Variants in BCL2 observed in about 807,000 individuals in gnomAD.
The protein encoded by BCL2 is BCL2 apoptosis regulator, also known as apoptosis regulator Bcl-2.
A neutral mutation model predicts 14.2 loss-of-function variants in BCL2; 1 was observed. The observed-to-expected ratio is 0.07, with a 90% CI of 0.02 to 0.33. BCL2 has a LOEUF of 0.33. BCL2 is among the 10% of genes least tolerant of loss of function. BCL2 has a pLI of 0.99. For synonymous variants in BCL2, 151 were observed against 137.2 expected (o/e 1.10, Z -0.70); for missense variants, 247 against 305.9 (o/e 0.81, Z 1.44).
At chr18:63,256,544 G>A (rs1325583794) in intron 2 of BCL2, among the ~76,000 whole-genome samples, 1 of 152,220 alleles carries the variant, frequency 6.6e-6, no homozygotes, top group African/African-American at 2.4e-5. Context: ...TTAAGACAGT[G>A]AAAGCGTGAC....
chr18:63,203,697 C>CACACAT (rs1249772404), intron 2 of BCL2, among the ~76,000 whole-genome samples: 11 of 152,134 alleles, frequency 7.2e-5, no homozygotes, highest in Non-Finnish European at 1.6e-4. Context: ...CACACACACA[C>CACACAT]ACACATACAC....
rs1568222809 is a variant in BCL2 at position 63,169,395 on chromosome 18, TTCTTTCTTTTTCTTTCTCTC to T, written c.586-40656_586-40637del. Among the ~76,000 whole-genome samples the T allele has an allele frequency of 1.4e-3, 174 of 123,216 alleles. 4 individuals carry two copies. The highest frequency in any genetic ancestry group is 4.4e-3 in the African/African-American group (109 of 24,870). 80.8% of individuals were successfully genotyped at this position (123,216 alleles called of 152,430 possible). A position where few individuals can be genotyped will look rare whatever the true frequency, so the allele number is the denominator to read the frequency against. ...TCTTTCTTTCTTTCTTTCTTTTTCT[TTCTTTCTTTTTCTTTCTCTC>T]TCTCTCTCTCTCTTTCTTTTTCTTT... On this transcript the variant is annotated intron_variant, in intron 2 of 2. Coordinates refer to ENST00000333681, the MANE Select transcript of BCL2 (RefSeq NM_000633.3).
At chr18:63,221,237 G>A (rs1480831747) in intron 2 of BCL2, among the ~76,000 whole-genome samples, 1 of 152,140 alleles carries the variant, frequency 6.6e-6, no homozygotes, top group Non-Finnish European at 1.5e-5. Flanking sequence ...TTTGATCTCT[G>A]GCAACCCATG....
chr18:63,317,812 C>A, intron 2 of BCL2: 2 of 1,345,110 alleles, frequency 1.5e-6, no homozygotes, highest in South Asian at 3.8e-5. Context: ...TACCATTTAC[C>A]ACCACATCCT....
chr18:63,233,127 C>T (rs749239947), intron 2 of BCL2, among the ~76,000 whole-genome samples: 54 of 152,104 alleles, frequency 3.6e-4, no homozygotes, highest in Admixed American at 1.8e-3. Flanking sequence ...TTTAGAAGGG[C>T]ACTAAACCCA....
At chr18:63,174,691 G>C (rs924759164) in intron 2 of BCL2, among the ~76,000 whole-genome samples, 2 of 151,856 alleles carry the variant, frequency 1.3e-5, no homozygotes, top group Non-Finnish European at 1.5e-5. Flanking sequence ...GTAGTGGCAG[G>C]CACCTGTAAT....
At chr18:63,167,851 G>A (rs533504041) in intron 2 of BCL2, among the ~76,000 whole-genome samples, 20 of 152,082 alleles carry the variant, frequency 1.3e-4, no homozygotes, top group Middle Eastern at 3.4e-3. Flanking sequence ...ATTTAAACCC[G>A]GGAGGCAGAG....
chr18:63,253,399 A>G (rs1344404324), intron 2 of BCL2, among the ~76,000 whole-genome samples: 1 of 152,222 alleles, frequency 6.6e-6, no homozygotes, highest in Non-Finnish European at 1.5e-5. Context: ...TTAATAATCA[A>G]TCATTTCCCA....
At chr18:63,258,586 T>C (rs899662854) in intron 2 of BCL2, among the ~76,000 whole-genome samples, 2 of 152,250 alleles carry the variant, frequency 1.3e-5, no homozygotes, top group Admixed American at 6.5e-5. Flanking sequence ...GCTTTCTTCA[T>C]AGTGGATGAC....
chr18:63,198,724 GACACAC>G (rs1304897747), intron 2 of BCL2, among the ~76,000 whole-genome samples: 1 of 94,504 alleles, frequency 1.1e-5, no homozygotes, highest in African/African-American at 4.4e-5. Flanking sequence ...CACACACACA[GACACAC>G]ACAGACACAG....
chr18:63,299,248 T>A (rs1336169165), intron 2 of BCL2, among the ~76,000 whole-genome samples: 1 of 152,264 alleles, frequency 6.6e-6, no homozygotes, highest in African/African-American at 2.4e-5. Flanking sequence ...TGCCTGTGCA[T>A]TCATTCATTT....
chr18:63,318,314 T>A lies in BCL2; in HGVS notation c.353A>T (p.Gln118Leu), dbSNP rs759928495. 1 of 1,613,810 alleles carries A rather than the reference T, an allele frequency of 6.2e-7. No individual in the cohort carries two copies. The highest frequency in any genetic ancestry group is 8.5e-7 in the Non-Finnish European group (1 of 1,179,824). ...CGCGGTGAAGGGCGTCAGGTGCAGCTGGCTGGACATCTCGGCGAAGTCGCG... is the reference window on the plus strand; with the variant it reads ...CGCGGTGAAGGGCGTCAGGTGCAGCAGGCTGGACATCTCGGCGAAGTCGCG... Reference protein sequence around the residue: ...YRRDFAEMSSQLHLTPFTARG... With the variant: ...YRRDFAEMSSLLHLTPFTARG... Residue 118 changes from glutamine (Q) to leucine (L), a missense_variant, in exon 2 of 3, where the codon CAG becomes CTG. Coordinates refer to ENST00000333681, the MANE Select transcript of BCL2 (RefSeq NM_000633.3). The surrounding 1 kb of genome is among the most constrained non-coding windows in gnomAD (Gnocchi z 7.4).
At chr18:63,279,719 TA>T (rs1444098024) in intron 2 of BCL2, among the ~76,000 whole-genome samples, 19 of 152,300 alleles carry the variant, frequency 1.2e-4, no homozygotes, top group Non-Finnish European at 4.4e-5. Flanking sequence ...ACTTTCACAA[TA>T]AAATACAACA....
At chr18:63,208,530 A>T (rs1302125873) in intron 2 of BCL2, among the ~76,000 whole-genome samples, 2 of 151,988 alleles carry the variant, frequency 1.3e-5, no homozygotes, top group Non-Finnish European at 1.5e-5. Context: ...CAGAGGGAAC[A>T]GCGTGGATAA....
intron 2 of BCL2, among the ~76,000 whole-genome samples, chr18:63,243,963 G>T (rs1344067775): frequency 6.6e-6 from 1 of 152,202 alleles, no homozygotes; most frequent in Admixed American, 6.5e-5. Context: ...AAGTTTCGCG[G>T]CCGGGTGCAG....
intron 2 of BCL2, among the ~76,000 whole-genome samples, chr18:63,182,987 C>T (rs1277129874): frequency 6.6e-6 from 1 of 152,182 alleles, no homozygotes; most frequent in Non-Finnish European, 1.5e-5. Flanking sequence ...CACGGTACTG[C>T]CTGGAGCACT....
chr18:63,227,031 C>T (rs557458449), intron 2 of BCL2, among the ~76,000 whole-genome samples: 109 of 151,106 alleles, frequency 7.2e-4, no homozygotes, highest in Non-Finnish European at 1.2e-3. Flanking sequence ...GTGGTGAAAC[C>T]GCAGATCACC....
chr18:63,197,962 T>C (rs1258854549), intron 2 of BCL2, among the ~76,000 whole-genome samples: 1 of 152,204 alleles, frequency 6.6e-6, no homozygotes, highest in Non-Finnish European at 1.5e-5. Flanking sequence ...TGAAAATTTC[T>C]GTTTCTTAAT....
intron 2 of BCL2, among the ~76,000 whole-genome samples, chr18:63,157,953 T>A (rs1167461116): frequency 6.6e-6 from 1 of 152,140 alleles, no homozygotes; most frequent in South Asian, 2.1e-4. Flanking sequence ...TTTTCTTCTT[T>A]TTTTTTTCTG....
Sources: gnomAD v4.1 joint callset for allele counts (sites outside exome capture counted in the v4.1 genomes callset) on GRCh38, gnomAD v4.1.1 for gene constraint, Gnocchi (gnomAD v3.1) non-coding constraint, MANE v1.5 for transcripts, NCBI Gene and HGNC (gene_info 2026-07-23, HGNC 2026-07-21) for gene names.